The following GPC5 variants were observed in gnomAD, a reference collection of about 807,000 sequenced individuals.
GPC5 encodes the protein glypican 5.
Under a neutral mutation model 53.9 loss-of-function variants are expected in GPC5, and 47 were observed. The observed-to-expected ratio is 0.87, with a 90% CI of 0.69 to 1.11. The LOEUF is 1.11. GPC5 is among the 50% of genes most tolerant of loss of function. GPC5 has a pLI of 0.00. For synonymous variants in GPC5, 286 were observed against 263.3 expected (o/e 1.09, Z -0.84); for missense variants, 748 against 713.1 (o/e 1.05, Z -0.56).
At chr13:92,609,257 C>G (rs927957300) in intron 7 of GPC5, among the ~76,000 whole-genome samples, 1 of 151,728 alleles carries the variant, frequency 6.6e-6, no homozygotes, top group African/African-American at 2.4e-5. Flanking sequence ...ATAAGTGTAT[C>G]AGGATGAGGG....
intron 6 of GPC5, among the ~76,000 whole-genome samples, chr13:92,014,391 G>A (rs1009860640): frequency 1.3e-5 from 2 of 152,114 alleles, no homozygotes; most frequent in African/African-American, 4.8e-5. Context: ...GCCTGCCCAC[G>A]TTGTTGTTGG....
chr13:91,643,714 G>A (rs1228487963), intron 2 of GPC5, among the ~76,000 whole-genome samples: 1 of 152,032 alleles, frequency 6.6e-6, no homozygotes, highest in Non-Finnish European at 1.5e-5. Flanking sequence ...GCATTCCTCG[G>A]CTTGTAGAAG....
intron 7 of GPC5, among the ~76,000 whole-genome samples, chr13:92,257,626 C>T (rs1482846060): frequency 7.3e-6 from 1 of 137,388 alleles, no homozygotes; most frequent in Admixed American, 8.3e-5. Flanking sequence ...TCTCAGCTCA[C>T]TGCAACCTCC....
chr13:91,681,790 T>A (rs1235276901), intron 2 of GPC5, among the ~76,000 whole-genome samples: 2 of 152,210 alleles, frequency 1.3e-5, no homozygotes, highest in Non-Finnish European at 2.9e-5. Context: ...ATGCAACACA[T>A]AGCTTTCTCT....
chr13:91,535,487 CA>C (rs1566484307), intron 2 of GPC5, among the ~76,000 whole-genome samples: 1 of 152,116 alleles, frequency 6.6e-6, no homozygotes. Context: ...CTTCAAACCA[CA>C]AGACTAATGA....
At chr13:91,611,437 A>G (rs867002444) in intron 2 of GPC5, among the ~76,000 whole-genome samples, 4 of 152,014 alleles carry the variant, frequency 2.6e-5, no homozygotes, top group African/African-American at 7.3e-5. Flanking sequence ...TCAATTTCTC[A>G]CCTCCAGACC....
chr13:92,260,847 CTT>C (rs2042761550), intron 7 of GPC5, among the ~76,000 whole-genome samples: 1 of 152,104 alleles, frequency 6.6e-6, no homozygotes, highest in South Asian at 2.1e-4. Flanking sequence ...CTCGTTTTCT[CTT>C]GACTTTAGAT....
intron 2 of GPC5, among the ~76,000 whole-genome samples, chr13:91,534,342 T>C (rs754064511): frequency 3.3e-5 from 5 of 152,226 alleles, no homozygotes; most frequent in Non-Finnish European, 5.9e-5. Flanking sequence ...AAATATATTA[T>C]CTTAGATATA....
At chr13:91,566,992 A>G (rs570815374) in intron 2 of GPC5, among the ~76,000 whole-genome samples, 29 of 150,552 alleles carry the variant, frequency 1.9e-4, no homozygotes, top group African/African-American at 6.6e-4. Flanking sequence ...TGACTGGGAA[A>G]GAAAAGGCAA....
rs139449591 is a variant in GPC5, at chr13:91,513,354, TTGTGTGTGTGTG to T, written c.325+64446_325+64457del. 4.7e-5 allele frequency among the ~76,000 whole-genome samples: 7 copies of T among 149,572 alleles called. No individual in the cohort carries two copies. In the East Asian group the frequency reaches 9.8e-4, roughly 21 times the overall value. On this transcript the variant is annotated intron_variant, in intron 2 of 7. Transcript: ENST00000377067. ...TTTCACTAATTTTACTTGTTTTCAT[TTGTGTGTGTGTG>T]TGTGTGTGTGTGTATTTAGTTGTGT... is the stretch of plus-strand genomic sequence containing the variant.
chr13:92,458,920 G>A (rs567267847), intron 7 of GPC5, among the ~76,000 whole-genome samples: 3 of 152,160 alleles, frequency 2.0e-5, no homozygotes, highest in Non-Finnish European at 2.9e-5. Context: ...AGCAACCCAC[G>A]TGCTTTGTGA....
rs182368328 is a variant in GPC5, at chr13:92,568,119, C to T, written c.1562-298163C>T. On this transcript the variant is annotated intron_variant, in intron 7 of 7. Transcript: ENST00000377067. ...GGAGAATCACTTGAGGCCAGAAGTT[C>T]GAGACCAGCCTGAGCAATATAGTGA... 2.4e-3 allele frequency among the ~76,000 whole-genome samples: 357 copies of T among 151,850 alleles called. 2 individuals are homozygous for T. The highest frequency in any genetic ancestry group is 8.2e-3 in the African/African-American group (340 of 41,424).
Position 91,457,593 on chromosome 13 carries a change from G to A in GPC5, c.325+8671G>A, listed in dbSNP as rs139467314. On this transcript the variant is annotated intron_variant, in intron 2 of 7. Coordinates refer to ENST00000377067, the MANE Select transcript of GPC5 (RefSeq NM_004466.6). The stretch of plus-strand genomic sequence containing the variant: ...ACAATGCACCCTGCCGCAGCACAGG[G>A]GATGACATGAAATGGAAGTGCGTAT... Among the ~76,000 whole-genome samples, 979 of 152,172 alleles carry A rather than the reference G, an allele frequency of 6.4e-3. 13 individuals are homozygous for A. Among genetic ancestry groups the A allele is most frequent in the African/African-American group, 0.022 (920 of 41,522 alleles).
At chr13:91,829,331 G>A (rs1267485659) in intron 5 of GPC5, among the ~76,000 whole-genome samples, 1 of 152,010 alleles carries the variant, frequency 6.6e-6, no homozygotes, top group Admixed American at 6.6e-5. Flanking sequence ...AGAGACTAAA[G>A]CAATATGACA....
intron 2 of GPC5, among the ~76,000 whole-genome samples, chr13:91,452,083 A>G (rs990557283): frequency 5.3e-5 from 8 of 151,794 alleles, no homozygotes; most frequent in African/African-American, 1.7e-4. Context: ...TTGCCAGGCT[A>G]AAGTGTTTCT....
At chr13:91,618,941 T>A (rs1316894282) in intron 2 of GPC5, among the ~76,000 whole-genome samples, 1 of 152,128 alleles carries the variant, frequency 6.6e-6, no homozygotes, top group East Asian at 1.9e-4. Flanking sequence ...GCACTATTTT[T>A]ACTACTTATA....
chr13:92,326,363 G>T (rs2043251071), intron 7 of GPC5, among the ~76,000 whole-genome samples: 1 of 151,696 alleles, frequency 6.6e-6, no homozygotes, highest in African/African-American at 2.4e-5. Context: ...TATATAGCCT[G>T]GGAATTTTAA....
At chr13:91,438,475 G>A (rs539221027) in intron 1 of GPC5, among the ~76,000 whole-genome samples, 66 of 152,178 alleles carry the variant, frequency 4.3e-4, no homozygotes, top group African/African-American at 1.1e-3. Flanking sequence ...GCAGAACAGC[G>A]GATATTGGTG....
At chr13:92,307,423 C>T (rs1390133615) in intron 7 of GPC5, among the ~76,000 whole-genome samples, 2 of 152,076 alleles carry the variant, frequency 1.3e-5, no homozygotes, top group African/African-American at 4.8e-5. Context: ...CATGGCACTC[C>T]AGCCTGGGCA....
Sources: allele counts gnomAD v4.1 joint callset (sites outside exome capture counted in the v4.1 genomes callset), GRCh38; gene constraint gnomAD v4.1.1; transcripts MANE v1.5; gene names NCBI Gene and HGNC (gene_info 2026-07-23, HGNC 2026-07-21).